Variants in WDFY3 observed in about 807,000 individuals in gnomAD.
WDFY3 encodes the protein WD repeat and FYVE domain containing 3.
In WDFY3, 66 loss-of-function variants were observed where a neutral mutation model predicts 409.6. The ratio of observed to expected loss-of-function variants is 0.16; its 90% confidence interval spans 0.13 to 0.20. The LOEUF is 0.20. Ranked by LOEUF, WDFY3 falls within the 10% of genes least tolerant of loss-of-function variation. WDFY3 has a pLI of 1.00. For missense variants in WDFY3, 3,031 were observed against 4,298.1 expected (o/e 0.71, Z 8.24); for synonymous variants, 1,521 against 1,537.1 (o/e 0.99, Z 0.25).
intron 8 of WDFY3, among the ~76,000 whole-genome samples, chr4:84,830,164 G>A (rs1460720714): frequency 6.6e-6 from 1 of 152,056 alleles, no homozygotes; most frequent in Non-Finnish European, 1.5e-5. Flanking sequence ...TGAACAAATT[G>A]GTGTATTAAT....
chr4:84,867,079 C>T (rs1399752101), intron 3 of WDFY3, among the ~76,000 whole-genome samples: 1 of 152,186 alleles, frequency 6.6e-6, no homozygotes, highest in Non-Finnish European at 1.5e-5. Context: ...TTTATAAAAT[C>T]TTTCCTCATG....
chr4:84,688,553 G>C (rs1728710806), intron 61 of WDFY3, among the ~76,000 whole-genome samples: 1 of 152,102 alleles, frequency 6.6e-6, no homozygotes, highest in Non-Finnish European at 1.5e-5. Flanking sequence ...AAGGAAGAGG[G>C]AATGACAACC....
chr4:84,715,619 CA>C (rs1452267311), intron 49 of WDFY3, among the ~76,000 whole-genome samples: 1 of 151,036 alleles, frequency 6.6e-6, no homozygotes, highest in African/African-American at 2.4e-5. Flanking sequence ...CTAAAAAATA[CA>C]AAAAATTAGC....
chr4:84,909,459 AAAGT>A (rs903628175), intron 2 of WDFY3, among the ~76,000 whole-genome samples: 1 of 152,100 alleles, frequency 6.6e-6, no homozygotes, highest in Admixed American at 6.5e-5. Context: ...ATATAATAAC[AAAGT>A]AAGAGAAAAT....
chr4:84,725,481 C>G (rs1045592138), intron 45 of WDFY3, among the ~76,000 whole-genome samples: 5 of 152,008 alleles, frequency 3.3e-5, no homozygotes, highest in African/African-American at 1.2e-4. Flanking sequence ...CTTAAAATCA[C>G]GGAAGATGAG....
chr4:84,894,767 C>G (rs1765402216), intron 3 of WDFY3, among the ~76,000 whole-genome samples: 1 of 147,978 alleles, frequency 6.8e-6, no homozygotes, highest in Non-Finnish European at 1.5e-5. Flanking sequence ...GCCTGGGTGA[C>G]AAAGCGAGAC....
At chr4:84,922,024 T>C (rs961732065) in intron 2 of WDFY3, among the ~76,000 whole-genome samples, 1 of 151,864 alleles carries the variant, frequency 6.6e-6, no homozygotes, top group African/African-American at 2.4e-5. Context: ...TTATTGTATA[T>C]AAAAATATAC....
chr4:84,890,981 A>G (rs1158162767), intron 3 of WDFY3, among the ~76,000 whole-genome samples: 1 of 152,174 alleles, frequency 6.6e-6, no homozygotes, highest in Non-Finnish European at 1.5e-5. Context: ...AAGTGCCACA[A>G]AACATTATTT....
chr4:84,924,115 T>C (rs1005799884), intron 2 of WDFY3, among the ~76,000 whole-genome samples: 1 of 152,226 alleles, frequency 6.6e-6, no homozygotes, highest in Non-Finnish European at 1.5e-5. Context: ...CAACAGTGAT[T>C]TAGGGCACAG....
chr4:84,782,895 T>C lies in WDFY3; in HGVS notation c.4174+68A>G, dbSNP rs551505215. The C allele has an allele frequency of 3.3e-3, 4,807 of 1,451,564 alleles. 15 individuals carry two copies. Among genetic ancestry groups the C allele is most frequent in the Non-Finnish European group, 4.1e-3 (4,307 of 1,038,492 alleles). 89.9% of individuals were successfully genotyped at this position (1,451,564 alleles called of 1,614,324 possible). A position where few individuals can be genotyped will look rare whatever the true frequency, so the allele number is the denominator to read the frequency against. On this transcript the variant is annotated intron_variant, in intron 25 of 67. Coordinates refer to ENST00000295888, the MANE Select transcript of WDFY3 (RefSeq NM_014991.6). ...ATGAACTTAAATACTGCCCCTTAAG[T>C]GAGGAAAGTGAATGCAAACTTGATG...
chr4:84,935,116 T>C (rs1771248006), intron 1 of WDFY3, among the ~76,000 whole-genome samples: 2 of 152,192 alleles, frequency 1.3e-5, no homozygotes, highest in Admixed American at 1.3e-4. Flanking sequence ...AATTATCCGT[T>C]CTCTTGTCAA....
In WDFY3 at chr4:84,774,867, G is replaced by C; in HGVS notation, c.4707C>G (p.Val1569=). The C allele has an allele frequency of 1.2e-6, 2 of 1,613,792 alleles. No individual in the cohort carries two copies. Among genetic ancestry groups the C allele is most frequent in the East Asian group, 4.5e-5 (2 of 44,858 alleles). ...SQPTIAAISN[V]LSFLLQGFPS... is the part of the protein sequence containing the mutation. ...GAAAACCTTGCAGTAAGAAGCTCAG[G>C]ACATTACTAATAGCAGCAATAGTAG... is the stretch of plus-strand genomic sequence containing the variant. Residue 1569 remains valine (V), a synonymous_variant, in exon 29 of 68, where the codon GTC becomes GTG. Coordinates refer to ENST00000295888, the MANE Select transcript of WDFY3 (RefSeq NM_014991.6).
chr4:84,851,500 G>C (rs540460480), intron 4 of WDFY3, among the ~76,000 whole-genome samples: 24 of 152,178 alleles, frequency 1.6e-4, no homozygotes, highest in Non-Finnish European at 3.4e-4. Context: ...CACTGAAGGA[G>C]AACATGAGAA....
At chr4:84,759,247 A>T (rs1038161792) in intron 32 of WDFY3, among the ~76,000 whole-genome samples, 1 of 152,166 alleles carries the variant, frequency 6.6e-6, no homozygotes, top group African/African-American at 2.4e-5. Context: ...TGATGCCTCC[A>T]GCTTTGTTCT....
chr4:84,762,011 G>T (rs1324761040), intron 32 of WDFY3, among the ~76,000 whole-genome samples: 1 of 152,084 alleles, frequency 6.6e-6, no homozygotes, highest in Non-Finnish European at 1.5e-5. Flanking sequence ...TTACACTGTT[G>T]GTGGGACTGT....
At chr4:84,732,521 C>G (rs905680726) in intron 44 of WDFY3, among the ~76,000 whole-genome samples, 1 of 152,138 alleles carries the variant, frequency 6.6e-6, no homozygotes, top group Admixed American at 6.5e-5. Context: ...CTTTGACCAA[C>G]ATCTCCCTAT....
intron 2 of WDFY3, among the ~76,000 whole-genome samples, chr4:84,919,385 T>C (rs1218036338): frequency 1.3e-5 from 2 of 152,152 alleles, no homozygotes; most frequent in Admixed American, 1.3e-4. Flanking sequence ...CAATGGATGC[T>C]ACATACAGGG....
intron 30 of WDFY3, 110 bp from the exon 31 acceptor site, chr4:84,766,482 T>C (rs1743659025): frequency 9.3e-7 from 1 of 1,078,420 alleles, no homozygotes; most frequent in Non-Finnish European, 1.3e-6. Flanking sequence ...GAAAACATTT[T>C]CTCCAGGACT....
intron 15 of WDFY3, among the ~76,000 whole-genome samples, chr4:84,806,841 C>G (rs889155989): frequency 6.6e-6 from 1 of 152,018 alleles, no homozygotes; most frequent in African/African-American, 2.4e-5. Context: ...AACTCCTGAC[C>G]TCAGGCAATC....
Sources: gnomAD v4.1 joint callset for allele counts (sites outside exome capture counted in the v4.1 genomes callset) on GRCh38, gnomAD v4.1.1 for gene constraint, MANE v1.5 for transcripts, NCBI Gene and HGNC (gene_info 2026-07-23, HGNC 2026-07-21) for gene names.